SKAP2: variants seen among roughly 807,000 people sequenced by gnomAD.
The protein encoded by SKAP2 is src kinase associated phosphoprotein 2.
SKAP2 carries 28 observed loss-of-function variants against 54.9 expected under a neutral mutation model. The ratio of observed to expected loss-of-function variants is 0.51; its 90% CI spans 0.38 to 0.70. SKAP2 has a LOEUF of 0.70. Ranked by LOEUF, SKAP2 falls within the 30% of genes least tolerant of loss-of-function variation. SKAP2 has a pLI of 0.00. For synonymous variants in SKAP2, 137 were observed against 134.3 expected, an observed-to-expected ratio of 1.02 and a Z score of -0.14; for missense variants, 356 against 424.1, an observed-to-expected ratio of 0.84 and a Z score of 1.41.
intron 4 of SKAP2, among the ~76,000 whole-genome samples, chr7:26,825,248 T>G (rs1784465219): frequency 6.6e-6 from 1 of 152,198 alleles, no homozygotes; most frequent in East Asian, 1.9e-4. Context: ...CTAGCCTTAC[T>G]TTAATTTTCC....
chr7:26,803,108 C>A (rs1444445634), intron 4 of SKAP2, among the ~76,000 whole-genome samples: 2 of 152,116 alleles, frequency 1.3e-5, no homozygotes, highest in Non-Finnish European at 2.9e-5. Context: ...CCAAAGCAAA[C>A]ATGGACAAAT....
At chr7:26,696,584 AT>A (rs1169724788) in intron 9 of SKAP2, among the ~76,000 whole-genome samples, 3 of 152,242 alleles carry the variant, frequency 2.0e-5, no homozygotes, top group Non-Finnish European at 2.9e-5. Flanking sequence ...GCAACAATTT[AT>A]TAATTAAGCA....
intron 4 of SKAP2, among the ~76,000 whole-genome samples, chr7:26,765,115 A>G: frequency 6.6e-6 from 1 of 151,644 alleles, no homozygotes; most frequent in Non-Finnish European, 1.5e-5. Context: ...AAGCGTTCCT[A>G]TTTCTCCACA....
At chr7:26,813,103 A>G (rs1217758238) in intron 4 of SKAP2, among the ~76,000 whole-genome samples, 4 of 152,332 alleles carry the variant, frequency 2.6e-5, no homozygotes, top group Admixed American at 2.6e-4. Flanking sequence ...TAGATGTTCT[A>G]CTAACTTCAA....
chr7:26,790,706 T>G (rs1428796138), intron 4 of SKAP2, among the ~76,000 whole-genome samples: 3 of 152,148 alleles, frequency 2.0e-5, no homozygotes, highest in Admixed American at 2.0e-4. Context: ...GATAAAAGAG[T>G]GAAGACTTTG....
intron 3 of SKAP2, 51 bp from the exon 4 acceptor site, chr7:26,844,188 T>G (rs1244707016): frequency 9.4e-7 from 1 of 1,064,564 alleles, no homozygotes; most frequent in African/African-American, 1.6e-5. Context: ...TTTAGCCATT[T>G]AAAGTAATGT....
Position 26,864,585 on chromosome 7 carries a change from G to T in SKAP2, c.-156C>A. On this transcript the variant is annotated 5_prime_UTR_variant, in exon 1 of 13. Transcript: ENST00000345317. ...CTGCCGGGCCGGGGCTCACAACAAGGAAGTCACTGAATCTCCAGCGAGCTG... is the reference window on the plus strand; with the variant it reads ...CTGCCGGGCCGGGGCTCACAACAAGTAAGTCACTGAATCTCCAGCGAGCTG... The T allele has an allele frequency of 7.1e-7, 1 of 1,407,400 alleles. No individual in the cohort carries two copies. Among genetic ancestry groups the T allele is most frequent in the Non-Finnish European group, 9.2e-7 (1 of 1,083,088 alleles). The allele number at this position is 1,407,400 out of a possible 1,614,324, so 87.2% of individuals were successfully genotyped here.
chr7:26,833,233 A>G (rs1784633126), intron 4 of SKAP2, among the ~76,000 whole-genome samples: 1 of 143,796 alleles, frequency 7.0e-6, no homozygotes, highest in Admixed American at 7.0e-5. Context: ...CTCTACTAAA[A>G]ACACAAAAAA....
intron 4 of SKAP2, among the ~76,000 whole-genome samples, chr7:26,842,852 TCTTTAAAA>T (rs1784845897): frequency 6.6e-6 from 1 of 151,696 alleles, no homozygotes; most frequent in African/African-American, 2.4e-5. Flanking sequence ...AATGCTTATC[TCTTTAAAA>T]GATAGAAAGT....
At chr7:26,787,293 TGATTGGCTTCTGG>T (rs1562610165) in intron 4 of SKAP2, among the ~76,000 whole-genome samples, 1 of 151,670 alleles carries the variant, frequency 6.6e-6, no homozygotes, top group Admixed American at 6.6e-5. Context: ...TGTCAGCATC[TGATTGGCTTCTGG>T]GAGGCCTCAA....
chr7:26,831,163 C>T lies in SKAP2; in HGVS notation c.307+12867G>A, dbSNP rs1271511102. Among the ~76,000 whole-genome samples the T allele has an allele frequency of 2.9e-4, 44 of 152,086 alleles. 1 individual carries two copies. The highest frequency in any genetic ancestry group is 1.5e-5 in the Non-Finnish European group (1 of 68,004). On this transcript the variant is annotated intron_variant, in intron 4 of 12. Coordinates refer to ENST00000345317, the MANE Select transcript of SKAP2 (RefSeq NM_003930.5). Reference sequence around the variant, plus strand: ...AAATTTTTAGTCACTAGCTATCAAGCTCATGTATCAAACACAGTGACTCCT... The same window carrying T: ...AAATTTTTAGTCACTAGCTATCAAGTTCATGTATCAAACACAGTGACTCCT...
At chr7:26,704,870 A>G (rs1051015675) in intron 9 of SKAP2, among the ~76,000 whole-genome samples, 1 of 152,214 alleles carries the variant, frequency 6.6e-6, no homozygotes, top group Non-Finnish European at 1.5e-5. Flanking sequence ...TGGCCCCCTA[A>G]AGGGATAGGT....
chr7:26,840,650 T>G (rs1425872200), intron 4 of SKAP2, among the ~76,000 whole-genome samples: 3 of 152,072 alleles, frequency 2.0e-5, no homozygotes, highest in African/African-American at 7.2e-5. Context: ...CATGATAGCA[T>G]AAAACTTCTA....
intron 4 of SKAP2, among the ~76,000 whole-genome samples, chr7:26,781,448 C>T (rs1014851002): frequency 2.0e-5 from 3 of 152,214 alleles, no homozygotes; most frequent in African/African-American, 7.2e-5. Flanking sequence ...CAAATACCAA[C>T]CAGGGTGCTA....
intron 9 of SKAP2, among the ~76,000 whole-genome samples, chr7:26,719,097 T>C (rs1235740677): frequency 6.6e-6 from 1 of 151,894 alleles, no homozygotes; most frequent in Non-Finnish European, 1.5e-5. Context: ...GGAGAAACAC[T>C]TGAGGAGTTT....
intron 9 of SKAP2, among the ~76,000 whole-genome samples, chr7:26,704,032 C>T (rs1400942049): frequency 1.3e-5 from 2 of 152,162 alleles, no homozygotes; most frequent in Non-Finnish European, 2.9e-5. Flanking sequence ...TCACAACATG[C>T]AACTTATGAG....
At chr7:26,801,514 C>G (rs1783914563) in intron 4 of SKAP2, among the ~76,000 whole-genome samples, 1 of 152,118 alleles carries the variant, frequency 6.6e-6, no homozygotes, top group Non-Finnish European at 1.5e-5. Context: ...CTAGAGCAAT[C>G]AGACAACAGA....
chr7:26,838,142 C>G (rs1478619789), intron 4 of SKAP2, among the ~76,000 whole-genome samples: 1 of 152,192 alleles, frequency 6.6e-6, no homozygotes, highest in Non-Finnish European at 1.5e-5. Context: ...ATTTAACCTA[C>G]ATTTAACTTC....
intron 4 of SKAP2, among the ~76,000 whole-genome samples, chr7:26,831,646 C>T (rs1562628027): frequency 6.6e-6 from 1 of 152,100 alleles, no homozygotes; most frequent in Non-Finnish European, 1.5e-5. Context: ...CTAAGAATAA[C>T]CATAGGTTAT....
Sources: allele counts gnomAD v4.1 joint callset (sites outside exome capture counted in the v4.1 genomes callset), GRCh38; gene constraint gnomAD v4.1.1; transcripts MANE v1.5; gene names NCBI Gene and HGNC (gene_info 2026-07-23, HGNC 2026-07-21).